Variants in KTN1 observed in about 807,000 individuals in gnomAD.
KTN1 encodes the protein kinectin.
Under a neutral mutation model 222.5 loss-of-function variants are expected in KTN1, and 130 were observed. The ratio of observed to expected loss-of-function variants is 0.58; its 90% CI spans 0.51 to 0.68. KTN1 has a LOEUF of 0.68. KTN1 is among the 30% of genes least tolerant of loss of function. The pLI, the probability that KTN1 is intolerant of heterozygous loss-of-function variation, is 0.00. For missense variants in KTN1, 1,508 were observed against 1,500.4 expected, an observed-to-expected ratio of 1.01 and a Z score of -0.08; for synonymous variants, 512 against 496.3, an observed-to-expected ratio of 1.03 and a Z score of -0.42.
At chr14:55,586,808 G>A (rs1340895321) in intron 1 of KTN1, among the ~76,000 whole-genome samples, 1 of 152,120 alleles carries the variant, frequency 6.6e-6, no homozygotes, top group South Asian at 2.1e-4. Flanking sequence ...AAATGTTTTA[G>A]TTATATGGAA....
In KTN1 at chr14:55,663,952, T is replaced by C. The variant is rs2044422416; in HGVS notation, c.3091-3T>C. ...TGAAATCATTCTTTCTAAAAATGAT[T>C]AGGACCTTCGGGAGAAAAACTGGGA... On this transcript the variant is annotated splice_region_variant and splice_polypyrimidine_tract_variant and intron_variant, in intron 32 of 43. Coordinates refer to ENST00000395314, the MANE Select transcript of KTN1 (RefSeq NM_001079521.2). 2 of 1,605,446 alleles carry C rather than the reference T, an allele frequency of 1.2e-6. No homozygotes were observed. Among genetic ancestry groups the C allele is most frequent in the Non-Finnish European group, 1.7e-6 (2 of 1,173,018 alleles).
intron 18 of KTN1, among the ~76,000 whole-genome samples, chr14:55,642,637 T>C (rs931927454): frequency 6.6e-6 from 1 of 152,232 alleles, no homozygotes; most frequent in Non-Finnish European, 1.5e-5. Flanking sequence ...ATGATAGCAC[T>C]TCTTTAGCAA....
chr14:55,651,861 A>G, intron 24 of KTN1, 29 bp from the exon 25 acceptor site: 1 of 1,440,812 alleles, frequency 6.9e-7, no homozygotes, highest in Non-Finnish European at 9.7e-7. Context: ...AAGGATTATT[A>G]ATTGATTTTT....
Position 55,667,437 on chromosome 14 carries a change from T to C in KTN1, c.3267+107T>C, listed in dbSNP as rs530783293. 5.7e-5 allele frequency: 32 copies of C among 565,498 alleles called. No individual in the cohort carries two copies. The African/African-American group carries it at 5.9e-4, about 10-fold the overall frequency. 35.0% of individuals were successfully genotyped at this position (565,498 alleles called of 1,614,324 possible). The stretch of plus-strand genomic sequence containing the variant: ...TGGTTTCAGTAGAGTGCTGATTTCT[T>C]GATCTTTCCTATTGTTAAGCTGGTG... On this transcript the variant is annotated intron_variant, in intron 34 of 43. Coordinates refer to ENST00000395314, the MANE Select transcript of KTN1 (RefSeq NM_001079521.2).
chr14:55,642,536 G>T (rs1460203724), intron 18 of KTN1, among the ~76,000 whole-genome samples: 1 of 152,160 alleles, frequency 6.6e-6, no homozygotes, highest in South Asian at 2.1e-4. Flanking sequence ...AACTCTTGAT[G>T]ACACATTAGA....
In KTN1 at chr14:55,656,108, T is replaced by C; in HGVS notation, c.2868T>C (p.Leu956=). The C allele has an allele frequency of 1.2e-6, 2 of 1,608,040 alleles. No individual in the cohort carries two copies. The highest frequency in any genetic ancestry group is 8.5e-7 in the Non-Finnish European group (1 of 1,174,916). The change falls in exon 29 of 44, where the codon CTT becomes CTC. Residue 956 remains leucine (L), a synonymous_variant. Coordinates refer to ENST00000395314, the MANE Select transcript of KTN1 (RefSeq NM_001079521.2). ...EAMLKERESD[L]SSKTQLLQDV... Reference sequence around the variant, plus strand: ...TGCTAAAAGAGAGGGAGAGTGATCTTTCTAGCAAAACACAGCTGTTACAGG... The same window carrying C: ...TGCTAAAAGAGAGGGAGAGTGATCTCTCTAGCAAAACACAGCTGTTACAGG...
chr14:55,680,655 G>C, intron 43 of KTN1: 8 of 1,327,700 alleles, frequency 6.0e-6, no homozygotes, highest in Non-Finnish European at 8.1e-6. Flanking sequence ...CTTCCATTTT[G>C]ATCTTACAGG....
chr14:55,647,986 A>C (rs745870969), intron 19 of KTN1, 39 bp from the exon 20 acceptor site: 1 of 766,218 alleles, frequency 1.3e-6, no homozygotes, highest in Non-Finnish European at 1.9e-6. Flanking sequence ...TTAACTTTGA[A>C]AAATAGTTAA....
intron 37 of KTN1, chr14:55,672,232 C>A (rs2045515630): frequency 4.4e-6 from 1 of 229,464 alleles, no homozygotes; most frequent in Non-Finnish European, 8.4e-6. Flanking sequence ...ATTCCTGGGA[C>A]CTGAATGTTA....
chr14:55,632,569 AG>A (rs2040653909), intron 7 of KTN1, among the ~76,000 whole-genome samples: 1 of 145,888 alleles, frequency 6.9e-6, no homozygotes, highest in African/African-American at 2.5e-5. Context: ...AAGGTGTAGA[AG>A]GTGTTTTACA....
chr14:55,673,234 A>G lies in KTN1; in HGVS notation c.3750A>G (p.Arg1250=). Residue 1250 remains arginine, a synonymous_variant, in exon 40 of 44, where the codon AGA becomes AGG. Coordinates refer to ENST00000395314, the MANE Select transcript of KTN1 (RefSeq NM_001079521.2). The part of the protein sequence containing the change: ...KLDDSYSEAV[R]QNEELNLLKA... ...ATGATTCATATTCTGAAGCAGTAAG[A>G]CAGAATGAAGAGCTAAATTTGGTAA... 2 of 1,612,126 alleles carry G rather than the reference A, an allele frequency of 1.2e-6. No individual in the cohort carries two copies. Among genetic ancestry groups the G allele is most frequent in the Non-Finnish European group, 1.7e-6 (2 of 1,178,536 alleles).
chr14:55,659,742 A>G (rs1419264107), intron 31 of KTN1, 39 bp downstream of exon 31: 6 of 1,119,936 alleles, frequency 5.4e-6, no homozygotes, highest in Middle Eastern at 2.0e-4. Flanking sequence ...TAAAGTCGTA[A>G]CTATTTTTAT....
intron 1 of KTN1, 87 bp from the exon 2 acceptor site, chr14:55,611,932 C>T (rs1378989692): frequency 5.5e-6 from 3 of 542,814 alleles, no homozygotes; most frequent in African/African-American, 3.9e-5. Flanking sequence ...TGAAATGCCA[C>T]TTGAAAGAGC....
In KTN1 at chr14:55,664,022, A is replaced by G. The variant is rs1457435130; in HGVS notation, c.3158A>G (p.Lys1053Arg). The G allele has an allele frequency of 2.5e-6, 4 of 1,611,478 alleles. No individual in the cohort carries two copies. Among genetic ancestry groups the G allele is most frequent in the Non-Finnish European group, 1.7e-6 (2 of 1,178,114 alleles). ...TCAACTGAAAAAATGCTGCAGGACA[A>G]AGTGAACAAGACTTCCAAGGTTGTA... The part of the protein sequence containing the change: ...LASTEKMLQD[K>R]VNKTSKERQQ... The change falls in exon 33 of 44, where the codon AAA (lysine) becomes AGA (arginine). Residue 1053 changes from lysine to arginine, a missense_variant. Physicochemically the swap from Lys to Arg is conservative, Grantham distance 26. Coordinates refer to ENST00000395314, the MANE Select transcript of KTN1 (RefSeq NM_001079521.2).
chr14:55,650,706 T>G, intron 24 of KTN1, 69 bp downstream of exon 24: 1 of 1,220,016 alleles, frequency 8.2e-7, no homozygotes. Context: ...TTGATTTTTT[T>G]TCTTGTTACT....
intron 37 of KTN1, 28 bp from the exon 38 acceptor site, chr14:55,672,601 CT>C: frequency 7.0e-7 from 1 of 1,431,308 alleles, no homozygotes; most frequent in Non-Finnish European, 9.8e-7. Flanking sequence ...GGTGGTTTTA[CT>C]TGGCCATGTA....
intron 40 of KTN1, chr14:55,674,127 TTTAACTCA>T (rs1467506901): frequency 6.6e-6 from 1 of 152,126 alleles, no homozygotes; most frequent in Non-Finnish European, 1.5e-5. Context: ...CCAAGAAAAC[TTTAACTCA>T]TTCATTTGTG....
chr14:55,660,239 G>A (rs1013910908), intron 31 of KTN1, among the ~76,000 whole-genome samples: 1 of 152,022 alleles, frequency 6.6e-6, no homozygotes, highest in Non-Finnish European at 1.5e-5. Flanking sequence ...AATTCCGGGT[G>A]TGATGGCATG....
At chr14:55,591,895 G>C (rs1324550212) in intron 1 of KTN1, among the ~76,000 whole-genome samples, 2 of 152,100 alleles carry the variant, frequency 1.3e-5, no homozygotes, top group Non-Finnish European at 2.9e-5. Flanking sequence ...TGATTAATGA[G>C]AGAAAACATA....
Sources: gnomAD v4.1 joint callset for allele counts (sites outside exome capture counted in the v4.1 genomes callset) on GRCh38, gnomAD v4.1.1 for gene constraint, MANE v1.5 for transcripts, NCBI Gene and HGNC (gene_info 2026-07-23, HGNC 2026-07-21) for gene names.